Variants in RBFOX1 observed in about 807,000 individuals in gnomAD.
The protein encoded by RBFOX1 is RNA binding fox-1 homolog 1, also known as RNA binding protein fox-1 homolog 1.
RBFOX1 carries 8 observed loss-of-function variants against 57.7 expected under a neutral mutation model. That is an observed-to-expected ratio of 0.14 (90% CI 0.08 to 0.25). RBFOX1 has a LOEUF of 0.25. Ranked by LOEUF, RBFOX1 falls within the 10% of genes least tolerant of loss-of-function variation. The pLI is 1.00. For missense variants in RBFOX1, 611 were observed against 548.5 expected (o/e 1.11, Z -1.14); for synonymous variants, 326 against 222.4 (o/e 1.47, Z -4.15).
At position 6,074,086 on chromosome 16, in the gene RBFOX1, C is replaced by G. The variant is rs145574380; in HGVS notation, c.-127+54094C>G. Among the ~76,000 whole-genome samples, 560 of 152,124 alleles carry G rather than the reference C, an allele frequency of 3.7e-3. 2 individuals carry two copies. Among genetic ancestry groups the G allele is most frequent in the African/African-American group, 0.013 (542 of 41,480 alleles). ...GCCTCAGCCTCCCGAGTAGCTGGGACTATAGGCGCCCGCCACCACGCCTGG... is the reference window on the plus strand; with the variant it reads ...GCCTCAGCCTCCCGAGTAGCTGGGAGTATAGGCGCCCGCCACCACGCCTGG... On this transcript the variant is annotated intron_variant, in intron 1 of 15. Transcript: ENST00000550418.
chr16:6,654,929 T>C (rs2154089896), intron 3 of RBFOX1, among the ~76,000 whole-genome samples: 1 of 152,278 alleles, frequency 6.6e-6, no homozygotes, highest in Middle Eastern at 3.4e-3. Context: ...AGGAAAATAC[T>C]TTAACACTTG....
chr16:7,276,862 C>G (rs918312131), intron 4 of RBFOX1, among the ~76,000 whole-genome samples: 1 of 152,132 alleles, frequency 6.6e-6, no homozygotes, highest in African/African-American at 2.4e-5. Flanking sequence ...GGGCTTCTGT[C>G]TAATTATGTG....
intron 1 of RBFOX1, among the ~76,000 whole-genome samples, chr16:6,186,700 A>G (rs1177134377): frequency 6.6e-6 from 1 of 152,198 alleles, no homozygotes; most frequent in East Asian, 1.9e-4. Flanking sequence ...GAAGCTCCAT[A>G]GCAATGGGCA....
chr16:6,022,312 C>G (rs2095097690), intron 1 of RBFOX1, among the ~76,000 whole-genome samples: 1 of 151,474 alleles, frequency 6.6e-6, no homozygotes, highest in Non-Finnish European at 1.5e-5. Flanking sequence ...TTTGAAAACA[C>G]AAGAATCGAA....
intron 4 of RBFOX1, among the ~76,000 whole-genome samples, chr16:7,494,551 A>T (rs8059779): frequency 0.73 from 110,506 of 152,114 alleles, 41,158 homozygotes; most frequent in Middle Eastern, 0.84. Flanking sequence ...TAGCACAGAG[A>T]TGTTCAGCAT....
At chr16:6,112,284 T>C (rs1252936377) in intron 1 of RBFOX1, among the ~76,000 whole-genome samples, 1 of 152,154 alleles carries the variant, frequency 6.6e-6, no homozygotes, top group Non-Finnish European at 1.5e-5. Flanking sequence ...GTTAAATAAA[T>C]GAATATAGTA....
At chr16:5,598,422 G>A (rs985846500) in intron 2 of RBFOX1, among the ~76,000 whole-genome samples, 11 of 152,020 alleles carry the variant, frequency 7.2e-5, no homozygotes, top group Non-Finnish European at 1.5e-5. Context: ...TTTAGCATTT[G>A]CTGGTAGCCA....
At chr16:7,527,421 A>G (rs540418127) in intron 5 of RBFOX1, among the ~76,000 whole-genome samples, 3 of 152,290 alleles carry the variant, frequency 2.0e-5, no homozygotes, top group Admixed American at 6.5e-5. Flanking sequence ...TTGGCCAGGA[A>G]CAGGATATCT....
chr16:5,955,352 AAATAAAAATAAAAT>A (rs2059612564), intron 4 of RBFOX1, among the ~76,000 whole-genome samples: 408 of 12,838 alleles, frequency 0.032, 1 homozygote, highest in Admixed American at 0.066. Context: ...AAAATAAAAT[AAATAAAAATAAAAT>A]AAAATAAAAT....
At chr16:5,339,620 AG>A (rs1291427051) in intron 1 of RBFOX1, among the ~76,000 whole-genome samples, 1 of 151,564 alleles carries the variant, frequency 6.6e-6, no homozygotes, top group Non-Finnish European at 1.5e-5. Context: ...GGAGGATTAC[AG>A]GTATGTGCTA....
chr16:6,365,332 G>T (rs534432372), intron 2 of RBFOX1, among the ~76,000 whole-genome samples: 4 of 149,222 alleles, frequency 2.7e-5, no homozygotes, highest in Non-Finnish European at 1.5e-5. Flanking sequence ...GGATGGGTGG[G>T]TGGATGGATG....
chr16:5,918,784 C>T (rs138023765), intron 4 of RBFOX1, among the ~76,000 whole-genome samples: 192 of 152,288 alleles, frequency 1.3e-3, no homozygotes, highest in South Asian at 4.8e-3. Flanking sequence ...AAGGGAGGAG[C>T]GACTAAGGTG....
At chr16:7,072,124 G>T (rs921749761) in intron 4 of RBFOX1, among the ~76,000 whole-genome samples, 2 of 152,136 alleles carry the variant, frequency 1.3e-5, no homozygotes, top group Admixed American at 1.3e-4. Flanking sequence ...ATCTTGAGCT[G>T]CCTGGAACAA....
chr16:6,783,594 C>G (rs947033862), intron 3 of RBFOX1, among the ~76,000 whole-genome samples: 4 of 152,148 alleles, frequency 2.6e-5, no homozygotes, highest in African/African-American at 9.6e-5. Flanking sequence ...GTCTTTTTTA[C>G]TGTCTTTCAA....
At position 6,350,028 on chromosome 16, in the gene RBFOX1, C is replaced by T. The variant is rs540027860; in HGVS notation, c.-64+32971C>T. 2.1e-4 allele frequency among the ~76,000 whole-genome samples: 32 copies of T among 152,196 alleles called. No individual in the cohort carries two copies. In the South Asian group the frequency reaches 5.0e-3, roughly 24 times the overall value. On this transcript the variant is annotated intron_variant, in intron 2 of 15. Transcript: ENST00000550418. ...ACTTTTACTATTAATTACTTTGGTA[C>T]GCTCAAGTATCCTTCTCAAAGCCCT...
rs996150388 is a variant in RBFOX1 at position 5,628,059 on chromosome 16, G to A, written c.318+29098G>A. Among the ~76,000 whole-genome samples, 3 of 152,214 alleles carry A rather than the reference G, an allele frequency of 2.0e-5. No homozygotes were observed. The East Asian group carries it at 5.8e-4, about 29-fold the overall frequency. On this transcript the variant is annotated intron_variant, in intron 3 of 19. Transcript: ENST00000641259. ...CCTTATATTTTGAATATTAAGTAAA[G>A]TAGTATAAGGGTGATGGTCTGTCTC...
intron 2 of RBFOX1, among the ~76,000 whole-genome samples, chr16:6,386,866 G>A (rs1274475835): frequency 5.3e-5 from 8 of 152,176 alleles, no homozygotes; most frequent in Admixed American, 5.2e-4. Flanking sequence ...AAGTATGGGT[G>A]GTGAGAAAGG....
chr16:5,633,014 C>G (rs186552630), intron 3 of RBFOX1, among the ~76,000 whole-genome samples: 1 of 148,210 alleles, frequency 6.7e-6, no homozygotes, highest in African/African-American at 2.5e-5. Context: ...TCTCAGCTCA[C>G]TGCATCCTCT....
chr16:5,999,429 T>G (rs1287305595), intron 4 of RBFOX1, among the ~76,000 whole-genome samples: 1 of 152,214 alleles, frequency 6.6e-6, no homozygotes, highest in African/African-American at 2.4e-5. Flanking sequence ...AAATACTTAT[T>G]TGCAGGATCA....
Sources: allele counts gnomAD v4.1 joint callset (sites outside exome capture counted in the v4.1 genomes callset), GRCh38; gene constraint gnomAD v4.1.1; transcripts MANE v1.5; gene names NCBI Gene and HGNC (gene_info 2026-07-23, HGNC 2026-07-21).